Variants in TTC6 observed in about 807,000 individuals in gnomAD.
TTC6 encodes the protein tetratricopeptide repeat domain 6, also known as tetratricopeptide repeat protein 6.
TTC6 carries 172 observed loss-of-function variants against 210.4 expected under a neutral mutation model. That is an observed-to-expected ratio of 0.82 (90% confidence interval 0.72 to 0.93). TTC6 has a LOEUF of 0.93. Ranked by LOEUF, TTC6 falls within the 40% of genes least tolerant of loss-of-function variation. The probability of loss-of-function intolerance (pLI) is 0.00; values close to 1 mark genes in which losing one functional copy is unlikely to be tolerated. For synonymous variants in TTC6, 804 were observed against 819.6 expected (o/e 0.98, Z 0.32); for missense variants, 2,414 against 2,318.1 (o/e 1.04, Z -0.85).
chr14:37,649,315 A>T (rs1315855872), intron 1 of TTC6, among the ~76,000 whole-genome samples: 1 of 152,122 alleles, frequency 6.6e-6, no homozygotes, highest in Non-Finnish European at 1.5e-5. Context: ...CCATGAGAAG[A>T]AGTCCCAGGT....
intron 26 of TTC6, among the ~76,000 whole-genome samples, chr14:37,820,920 C>T (rs1182419370): frequency 7.1e-4 from 106 of 148,384 alleles, no homozygotes; most frequent in Admixed American, 1.1e-3. Context: ...TCCTCCTTCT[C>T]CTCCTTCTTC....
intron 14 of TTC6, among the ~76,000 whole-genome samples, chr14:37,780,760 C>G (rs2096052369): frequency 1.3e-5 from 2 of 152,112 alleles, no homozygotes; most frequent in Non-Finnish European, 2.9e-5. Flanking sequence ...GATATTTATC[C>G]TAATGTTATC....
At chr14:37,679,502 C>T (rs777754108) in intron 1 of TTC6, among the ~76,000 whole-genome samples, 26 of 151,898 alleles carry the variant, frequency 1.7e-4, no homozygotes, top group Non-Finnish European at 3.5e-4. Flanking sequence ...TCCCTCTTGC[C>T]CTTGGTTGCA....
At chr14:37,668,794 A>C (rs552613448) in intron 1 of TTC6, among the ~76,000 whole-genome samples, 1 of 152,224 alleles carries the variant, frequency 6.6e-6, no homozygotes, top group Non-Finnish European at 1.5e-5. Context: ...ACTGAATTTT[A>C]AAATTTCCTG....
chr14:37,771,799 C>G (rs2096019813), intron 14 of TTC6, among the ~76,000 whole-genome samples: 1 of 152,204 alleles, frequency 6.6e-6, no homozygotes, highest in African/African-American at 2.4e-5. Flanking sequence ...CTTCTTCTCT[C>G]AGCTCGTGAA....
intron 14 of TTC6, among the ~76,000 whole-genome samples, chr14:37,767,439 C>G (rs1365336774): frequency 8.5e-5 from 13 of 152,194 alleles, no homozygotes; most frequent in African/African-American, 2.9e-4. Flanking sequence ...GTTCCTATTT[C>G]TCCATATCCT....
chr14:37,832,917 G>A (rs1413076667), intron 29 of TTC6, among the ~76,000 whole-genome samples: 1 of 152,088 alleles, frequency 6.6e-6, no homozygotes, highest in African/African-American at 2.4e-5. Context: ...AATTAGCTGT[G>A]TGTGGTGGTG....
intron 8 of TTC6, among the ~76,000 whole-genome samples, chr14:37,737,203 G>A (rs2095904040): frequency 1.3e-5 from 2 of 152,008 alleles, no homozygotes; most frequent in South Asian, 2.1e-4. Flanking sequence ...ATAGTAAGTG[G>A]TAACACTTGC....
chr14:37,708,852 G>C (rs1228816137), intron 5 of TTC6, among the ~76,000 whole-genome samples: 1 of 151,996 alleles, frequency 6.6e-6, no homozygotes, highest in Non-Finnish European at 1.5e-5. Flanking sequence ...ATGTGGCCTT[G>C]GTCATTGTGG....
intron 4 of TTC6, among the ~76,000 whole-genome samples, chr14:37,699,088 C>G (rs568488069): frequency 2.0e-5 from 3 of 151,938 alleles, no homozygotes; most frequent in Non-Finnish European, 4.4e-5. Flanking sequence ...ATGGGTGACA[C>G]AAGAGTAGAG....
exon 27 of TTC6, chr14:37,823,833 G>A (rs1421156871): frequency 1.4e-5 from 22 of 1,613,846 alleles, no homozygotes; most frequent in Non-Finnish European, 1.9e-5. Flanking sequence ...GTTGGACGGG[G>A]AAATTCTTAC....
rs570390065 is a variant in TTC6 at position 37,840,138 on chromosome 14, TA to T, written c.5299-1301del. Reference sequence around the variant, plus strand: ...AGAGAGAAGAATCAAATAGACACAATAAAAAATGATAAAGGGGATAACACCA... The same window carrying T: ...AGAGAGAAGAATCAAATAGACACAATAAAAATGATAAAGGGGATAACACCA... On this transcript the variant is annotated intron_variant, in intron 29 of 30. Coordinates refer to ENST00000553443, the Ensembl canonical transcript of TTC6. Among the ~76,000 whole-genome samples, 1,121 of 152,056 alleles carry T rather than the reference TA, an allele frequency of 7.4e-3. 15 individuals carry two copies. Among genetic ancestry groups the T allele is most frequent in the African/African-American group, 0.021 (883 of 41,482 alleles).
exon 27 of TTC6, chr14:37,823,849 A>G (rs1566975584): frequency 6.2e-7 from 1 of 1,614,052 alleles, no homozygotes; most frequent in African/African-American, 1.3e-5. Flanking sequence ...CTTACATGGA[A>G]TACGGTCATG....
intron 1 of TTC6, among the ~76,000 whole-genome samples, chr14:37,645,996 C>T (rs551077463): frequency 3.3e-5 from 5 of 152,224 alleles, no homozygotes; most frequent in East Asian, 3.9e-4. Flanking sequence ...CAATTATAAA[C>T]GACTACACTG....
intron 13 of TTC6, 30 bp downstream of exon 15, chr14:37,751,255 T>G: frequency 6.8e-7 from 1 of 1,472,246 alleles, no homozygotes. Context: ...ATTCTACCAT[T>G]TATATAGTTT....
At chr14:37,788,724 A>G (rs1445884949) in intron 15 of TTC6, among the ~76,000 whole-genome samples, 1 of 152,082 alleles carries the variant, frequency 6.6e-6, no homozygotes, top group Non-Finnish European at 1.5e-5. Flanking sequence ...TCTGTCCTTC[A>G]TTCCCCAGTG....
chr14:37,653,268 T>C (rs933884423), intron 1 of TTC6, among the ~76,000 whole-genome samples: 2 of 152,230 alleles, frequency 1.3e-5, no homozygotes, highest in African/African-American at 2.4e-5. Context: ...TGACATGAAA[T>C]GATGTGGCTC....
At chr14:37,736,758 T>C (rs199688823) in intron 8 of TTC6, among the ~76,000 whole-genome samples, 3 of 152,090 alleles carry the variant, frequency 2.0e-5, no homozygotes, top group East Asian at 1.9e-4. Context: ...GTGCCTAATA[T>C]AGTCTTTTCT....
chr14:37,724,472 A>G (rs1349806462), intron 6 of TTC6, among the ~76,000 whole-genome samples: 1 of 152,190 alleles, frequency 6.6e-6, no homozygotes, highest in Non-Finnish European at 1.5e-5. Flanking sequence ...GTTTATGAGT[A>G]TACCACATTT....
Sources: gnomAD v4.1 joint callset for allele counts (sites outside exome capture counted in the v4.1 genomes callset) on GRCh38, gnomAD v4.1.1 for gene constraint, MANE v1.5 for transcripts, NCBI Gene and HGNC (gene_info 2026-07-23, HGNC 2026-07-21) for gene names.